Variants in MYO10 observed in about 807,000 individuals in gnomAD.
MYO10 encodes unconventional myosin-X.
Under a neutral mutation model 257.3 loss-of-function variants are expected in MYO10, and 133 were observed. The ratio of observed to expected loss-of-function variants is 0.52; its 90% confidence interval spans 0.45 to 0.60. The LOEUF is 0.60. Ranked by LOEUF, MYO10 falls within the 20% of genes least tolerant of loss-of-function variation. The pLI, the probability that MYO10 is intolerant of heterozygous loss-of-function variation, is 0.00. For synonymous variants in MYO10, 1,104 were observed against 1,028.6 expected (o/e 1.07, Z -1.40); for missense variants, 2,399 against 2,635.7 (o/e 0.91, Z 1.97).
chr5:16,690,058 T>A, intron 27 of MYO10, 139 bp from the exon 28 acceptor site: 1 of 651,404 alleles, frequency 1.5e-6, no homozygotes, highest in East Asian at 2.7e-5. Flanking sequence ...GCTCTCCATA[T>A]CTGCGAGTTC....
intron 2 of MYO10, among the ~76,000 whole-genome samples, chr5:16,857,316 C>G (rs1267269590): frequency 6.6e-6 from 1 of 152,196 alleles, no homozygotes; most frequent in Admixed American, 6.5e-5. Flanking sequence ...AATAAGGATT[C>G]CTTTACGGCA....
At chr5:16,717,483 C>A (rs972737464) in intron 19 of MYO10, among the ~76,000 whole-genome samples, 1 of 152,068 alleles carries the variant, frequency 6.6e-6, no homozygotes, top group Admixed American at 6.6e-5. Context: ...CTAATACAGG[C>A]GACTTAAAGA....
chr5:16,683,057 C>G (rs1737080892), intron 30 of MYO10, among the ~76,000 whole-genome samples: 1 of 152,124 alleles, frequency 6.6e-6, no homozygotes, highest in Non-Finnish European at 1.5e-5. Flanking sequence ...ATAAGGGGTG[C>G]AAGCTGACTA....
intron 1 of MYO10, among the ~76,000 whole-genome samples, chr5:16,888,880 A>T (rs1360643186): frequency 2.0e-5 from 3 of 150,036 alleles, no homozygotes; most frequent in African/African-American, 7.6e-5. Context: ...TAATATAAAC[A>T]ATAGGCCAGG....
intron 19 of MYO10, among the ~76,000 whole-genome samples, chr5:16,748,403 C>A (rs1005151551): frequency 6.6e-6 from 1 of 152,100 alleles, no homozygotes; most frequent in Non-Finnish European, 1.5e-5. Flanking sequence ...CACCACCACG[C>A]CCAGCAAATT....
chr5:16,882,449 T>A (rs1744781282), intron 1 of MYO10, among the ~76,000 whole-genome samples: 1 of 151,134 alleles, frequency 6.6e-6, no homozygotes. Flanking sequence ...AAGTCTTGTG[T>A]GCAAATATTC....
intron 36 of MYO10, among the ~76,000 whole-genome samples, chr5:16,673,115 C>T (rs924622675): frequency 5.3e-5 from 8 of 151,114 alleles, no homozygotes; most frequent in Non-Finnish European, 8.8e-5. Context: ...ACAGGAAAAG[C>T]GGGTGAAAAG....
chr5:16,755,411 G>A (rs940950752), intron 18 of MYO10, among the ~76,000 whole-genome samples: 7 of 152,182 alleles, frequency 4.6e-5, no homozygotes, highest in African/African-American at 1.4e-4. Context: ...GTGATCCACC[G>A]GCCTCAGCCT....
At chr5:16,769,345 T>A (rs1740977733) in intron 9 of MYO10, 142 bp from the exon 10 acceptor site, 1 of 1,015,714 alleles carries the variant, frequency 9.8e-7, no homozygotes. Context: ...CTCACTTGTT[T>A]TTTTGTTTTG....
chr5:16,725,696 T>C (rs1370044647), intron 19 of MYO10, among the ~76,000 whole-genome samples: 2 of 152,150 alleles, frequency 1.3e-5, no homozygotes, highest in African/African-American at 4.8e-5. Context: ...AGCCATTAAT[T>C]AGCATTTTCA....
Position 16,682,057 on chromosome 5 carries a change from C to T in MYO10, c.4047-44G>A, listed in dbSNP as rs987027918. ...AGGAAACAAAGCCCCTTAGCCCTAC[C>T]GTCAGCATCACCTCTGTGTGAACCG... On this transcript the variant is annotated intron_variant, in intron 30 of 40. Transcript: ENST00000513610. 25 of 1,595,110 alleles carry T rather than the reference C, an allele frequency of 1.6e-5. 1 individual carries two copies. Among genetic ancestry groups the T allele is most frequent in the South Asian group, 4.5e-5 (4 of 89,110 alleles).
chr5:16,819,624 G>A (rs1302164919), intron 2 of MYO10, among the ~76,000 whole-genome samples: 1 of 152,170 alleles, frequency 6.6e-6, no homozygotes. Flanking sequence ...AAACTGGCAT[G>A]TGCATGTGTG....
At chr5:16,718,934 G>T (rs1739023564) in intron 19 of MYO10, among the ~76,000 whole-genome samples, 1 of 152,294 alleles carries the variant, frequency 6.6e-6, no homozygotes, top group Admixed American at 6.5e-5. Context: ...TCAGCGCCCT[G>T]ACAAAACAGG....
At chr5:16,922,083 G>A (rs1746002639) in intron 1 of MYO10, among the ~76,000 whole-genome samples, 1 of 151,982 alleles carries the variant, frequency 6.6e-6, no homozygotes, top group Admixed American at 6.6e-5. Context: ...GCGTGGTGGT[G>A]CGTGCCTGTA....
chr5:16,688,712 C>A (rs1408049129), intron 28 of MYO10, among the ~76,000 whole-genome samples: 2 of 151,172 alleles, frequency 1.3e-5, no homozygotes, highest in Non-Finnish European at 2.9e-5. Flanking sequence ...TGCACTCCAG[C>A]CTGGGCAACA....
chr5:16,794,589 G>A (rs771856373), intron 4 of MYO10, 57 bp downstream of exon 4: 7 of 1,486,362 alleles, frequency 4.7e-6, no homozygotes, highest in Admixed American at 4.1e-5. Context: ...GGGGTTGGGG[G>A]TGCGCGGAGG....
chr5:16,674,423 CAT>C (rs1471044474), intron 35 of MYO10, among the ~76,000 whole-genome samples: 1 of 152,110 alleles, frequency 6.6e-6, no homozygotes, highest in Non-Finnish European at 1.5e-5. Context: ...GAGCCGAGAT[CAT>C]GCCATTGCAC....
intron 28 of MYO10, among the ~76,000 whole-genome samples, chr5:16,687,188 G>A (rs1450057286): frequency 6.6e-6 from 1 of 151,774 alleles, no homozygotes; most frequent in Non-Finnish European, 1.5e-5. Context: ...GGGTGTAGTG[G>A]TACATGCTTA....
In MYO10 at chr5:16,794,845, G is replaced by C. The variant is rs772606731; in HGVS notation, c.280-12C>G. 2.0e-5 allele frequency: 29 copies of C among 1,476,334 alleles called. No homozygotes were observed. In the African/African-American group the frequency reaches 4.1e-4, roughly 21 times the overall value. The allele number at this position is 1,476,334 out of a possible 1,614,324, so 91.5% of individuals were successfully genotyped here. A position where few individuals can be genotyped will look rare whatever the true frequency, so the allele number is the denominator to read the frequency against. The stretch of plus-strand genomic sequence containing the variant: ...GAGCCGATGTAGGTCTGCAAGCACA[G>C]AGTGAGACAGGGATGCGTCACTTCT... On this transcript the variant is annotated splice_polypyrimidine_tract_variant and intron_variant, in intron 3 of 40. Coordinates refer to ENST00000513610, the MANE Select transcript of MYO10 (RefSeq NM_012334.3).
Sources: gnomAD v4.1 joint callset for allele counts (sites outside exome capture counted in the v4.1 genomes callset) on GRCh38, gnomAD v4.1.1 for gene constraint, MANE v1.5 for transcripts, NCBI Gene and HGNC (gene_info 2026-07-23, HGNC 2026-07-21) for gene names.